The following SPAST variants were observed in gnomAD, a reference collection of about 807,000 sequenced individuals.
SPAST encodes spastic paraplegia 4 (autosomal dominant; spastin).
In SPAST, 30 loss-of-function variants were observed where a neutral mutation model predicts 76.6. The ratio of observed to expected loss-of-function variants is 0.39; its 90% confidence interval spans 0.29 to 0.53. The LOEUF is 0.53. Among genes scored for constraint, SPAST ranks in the 20% least tolerant of loss-of-function variants. The pLI, the probability that SPAST is intolerant of heterozygous loss-of-function variation, is 0.68. For missense variants in SPAST, 717 were observed against 770.5 expected (o/e 0.93, Z 0.82); for synonymous variants, 305 against 281.0 (o/e 1.09, Z -0.86).
intron 2 of SPAST, 136 bp from the exon 3 acceptor site, chr2:32,089,386 C>T: frequency 5.1e-6 from 3 of 590,356 alleles, no homozygotes; most frequent in Non-Finnish European, 6.0e-6. Flanking sequence ...TTTGGGTATA[C>T]ATTTTCTTCT....
At chr2:32,087,689 CTTTTCTTT>C (rs1677544272) in intron 2 of SPAST, 111 bp downstream of exon 2, 3 of 279,636 alleles carry the variant, frequency 1.1e-5, no homozygotes, top group Admixed American at 6.3e-5. Context: ...CTTTTCTTTT[CTTTTCTTT>C]TTTTTTTTTT....
intron 16 of SPAST, among the ~76,000 whole-genome samples, chr2:32,150,542 A>G (rs992841932): frequency 6.6e-5 from 10 of 151,732 alleles, no homozygotes; most frequent in Admixed American, 2.0e-4. Context: ...GGCTCAGGCA[A>G]TCCTCCTGCC....
intron 7 of SPAST, among the ~76,000 whole-genome samples, chr2:32,123,023 A>G (rs951035004): frequency 6.6e-6 from 1 of 152,138 alleles, no homozygotes; most frequent in African/African-American, 2.4e-5. Flanking sequence ...GCACTTTGGG[A>G]GGCCGAGGTG....
chr2:32,083,776 A>ATATATATTT (rs1553398791), intron 1 of SPAST, among the ~76,000 whole-genome samples: 1 of 46,088 alleles, frequency 2.2e-5, no homozygotes, highest in Non-Finnish European at 3.7e-5. Context: ...ATATATATAT[A>ATATATATTT]TTTTTTTTTT....
Position 32,155,586 on chromosome 2 carries a change from CT to C in SPAST, c.*1093del, listed in dbSNP as rs1382433444. On this transcript the variant is annotated 3_prime_UTR_variant, in exon 17 of 17. Transcript: ENST00000315285. Reference sequence around the variant, plus strand: ...ACATTTTTCTAGTTCCTTCTGCTTGCTTTATTAACTCAAAAGTTCTAGTTCT... The same window carrying C: ...ACATTTTTCTAGTTCCTTCTGCTTGCTTATTAACTCAAAAGTTCTAGTTCT... 6.6e-6 allele frequency: 1 copy of C among 152,286 alleles called. No individual in the cohort carries two copies. 9.4% of individuals were successfully genotyped at this position (152,286 alleles called of 1,614,324 possible). A position where few individuals can be genotyped will look rare whatever the true frequency, so the allele number is the denominator to read the frequency against.
intron 1 of SPAST, among the ~76,000 whole-genome samples, chr2:32,083,675 A>ATATATAT (rs1341372230): frequency 2.1e-5 from 2 of 97,500 alleles, no homozygotes; most frequent in African/African-American, 7.7e-5. Context: ...ATATATATAT[A>ATATATAT]TTTTTATGCT....
rs191028475 is a variant in SPAST, at chr2:32,103,779, G to A, written c.682+4888G>A. 1.9e-3 allele frequency among the ~76,000 whole-genome samples: 291 copies of A among 152,224 alleles called. 2 individuals carry two copies. The highest frequency in any genetic ancestry group is 3.1e-3 in the South Asian group (15 of 4,820). On this transcript the variant is annotated intron_variant, in intron 4 of 16. Coordinates refer to ENST00000315285, the MANE Select transcript of SPAST (RefSeq NM_014946.4). ...AGTTTCCATGTAGTTGTGTGGTTTT[G>A]CGTGAGTTTCTTAATCCTGAGTTCT...
intron 1 of SPAST, among the ~76,000 whole-genome samples, chr2:32,086,149 T>C (rs2148707758): frequency 6.6e-6 from 1 of 152,018 alleles, no homozygotes; most frequent in South Asian, 2.1e-4. Flanking sequence ...AGTATGGAAA[T>C]TTTTGTTTGA....
intron 16 of SPAST, among the ~76,000 whole-genome samples, chr2:32,150,239 ATTTTTT>A (rs11363493): frequency 6.0e-5 from 4 of 66,570 alleles, no homozygotes; most frequent in African/African-American, 1.2e-4. Flanking sequence ...CGCCCAGCTA[ATTTTTT>A]TTTTTTTTTT....
chr2:32,078,347 A>AT (rs1235258084), intron 1 of SPAST, among the ~76,000 whole-genome samples: 1 of 151,898 alleles, frequency 6.6e-6, no homozygotes, highest in Non-Finnish European at 1.5e-5. Context: ...TAATTTTTGT[A>AT]TTTTTTGGTA....
rs1427079462 is a variant in SPAST, at chr2:32,154,781, A to G, written c.*285A>G. 2.7e-6 allele frequency: 1 copy of G among 373,496 alleles called. No homozygotes were observed. The highest frequency in any genetic ancestry group is 5.0e-6 in the Non-Finnish European group (1 of 201,760). 23.1% of individuals were successfully genotyped at this position (373,496 alleles called of 1,614,324 possible). A position where few individuals can be genotyped will look rare whatever the true frequency, so the allele number is the denominator to read the frequency against. On this transcript the variant is annotated 3_prime_UTR_variant, in exon 17 of 17. Coordinates refer to ENST00000315285, the MANE Select transcript of SPAST (RefSeq NM_014946.4). ...CCTGATTCTGGTCTTCTTTACCAATATAATCATAATGTAAATAATAATTTG... is the reference window on the plus strand; with the variant it reads ...CCTGATTCTGGTCTTCTTTACCAATGTAATCATAATGTAAATAATAATTTG...
intron 3 of SPAST, among the ~76,000 whole-genome samples, chr2:32,094,257 C>CA (rs1467871753): frequency 1.3e-5 from 2 of 151,974 alleles, no homozygotes; most frequent in African/African-American, 4.8e-5. Context: ...CTTGCCTTAT[C>CA]ACCCAGGCCA....
chr2:32,093,988 C>T (rs978505677), intron 3 of SPAST, among the ~76,000 whole-genome samples: 1 of 152,102 alleles, frequency 6.6e-6, no homozygotes, highest in African/African-American at 2.4e-5. Context: ...AGGCTACATC[C>T]TCTCAAACCA....
intron 1 of SPAST, among the ~76,000 whole-genome samples, chr2:32,083,705 T>A (rs1377914278): frequency 7.5e-6 from 1 of 133,164 alleles, no homozygotes; most frequent in Non-Finnish European, 1.6e-5. Flanking sequence ...GTATATATAT[T>A]TTTATACTAT....
intron 1 of SPAST, among the ~76,000 whole-genome samples, chr2:32,083,774 A>ATTT (rs1333329179): frequency 2.4e-4 from 13 of 54,388 alleles, no homozygotes; most frequent in African/African-American, 3.6e-4. Context: ...ATATATATAT[A>ATTT]TATTTTTTTT....
intron 1 of SPAST, among the ~76,000 whole-genome samples, chr2:32,075,419 C>CT (rs1418222912): frequency 1.1e-5 from 1 of 89,198 alleles, no homozygotes; most frequent in African/African-American, 4.5e-5. Context: ...GAGCGAGACT[C>CT]TGTCTCAAAA....
In SPAST at chr2:32,134,475, A is replaced by AT. The variant is rs1360126837; in HGVS notation, c.1246-2079dup. Among the ~76,000 whole-genome samples the AT allele has an allele frequency of 5.4e-5, 8 of 148,324 alleles. 1 individual carries two copies. In the South Asian group the frequency reaches 8.6e-4, roughly 16 times the overall value. On this transcript the variant is annotated intron_variant, in intron 9 of 16. Transcript: ENST00000315285. ...CGAGACTCCATCTCAAAAAAAAAAA[A>AT]TTTTTTTTTGTAGTGACAAGGTGTC...
At chr2:32,092,411 G>A (rs1464788475) in intron 3 of SPAST, among the ~76,000 whole-genome samples, 4 of 152,220 alleles carry the variant, frequency 2.6e-5, no homozygotes, top group South Asian at 4.1e-4. Context: ...AAATTTGATT[G>A]TGGAGCATTT....
Position 32,089,653 on chromosome 2 carries a change from T to C in SPAST, c.586+48T>C, listed in dbSNP as rs879674256. ...ATGTGGGATGTATTGGAAATGTGTG[T>C]TCAATGAAACTTTAATTTGTAGAAA... On this transcript the variant is annotated intron_variant, in intron 3 of 16. Coordinates refer to ENST00000315285, the MANE Select transcript of SPAST (RefSeq NM_014946.4). 14 of 981,418 alleles carry C rather than the reference T, an allele frequency of 1.4e-5. No individual in the cohort carries two copies. In the Admixed American group the frequency reaches 2.0e-4, roughly 14 times the overall value. The allele number at this position is 981,418 out of a possible 1,614,324, so 60.8% of individuals were successfully genotyped here.
Sources: allele counts gnomAD v4.1 joint callset (sites outside exome capture counted in the v4.1 genomes callset), GRCh38; gene constraint gnomAD v4.1.1; transcripts MANE v1.5; gene names NCBI Gene and HGNC (gene_info 2026-07-23, HGNC 2026-07-21).